Variants in ATF1 observed in about 807,000 individuals in gnomAD.
The protein encoded by ATF1 is activating transcription factor 1.
In ATF1, 16 loss-of-function variants were observed where a neutral mutation model predicts 34.7. That is an observed-to-expected ratio of 0.46 (90% CI 0.31 to 0.70). The LOEUF is 0.70. Ranked by LOEUF, ATF1 falls within the 30% of genes least tolerant of loss-of-function variation. The pLI is 0.05. For synonymous variants in ATF1, 105 were observed against 113.1 expected, an observed-to-expected ratio of 0.93 and a Z score of 0.46; for missense variants, 255 against 321.6, an observed-to-expected ratio of 0.79 and a Z score of 1.58.
chr12:50,777,936 CTTTTTT>C (rs71086478), intron 1 of ATF1, among the ~76,000 whole-genome samples: 2 of 133,396 alleles, frequency 1.5e-5, no homozygotes. Flanking sequence ...AATTTACTAT[CTTTTTT>C]TTTTTTTTTT....
At chr12:50,812,301 A>G (rs978744725) in intron 4 of ATF1, among the ~76,000 whole-genome samples, 2 of 152,234 alleles carry the variant, frequency 1.3e-5, no homozygotes, top group African/African-American at 4.8e-5. Flanking sequence ...ACCACTGAAC[A>G]TAATGGCAAA....
At chr12:50,796,059 A>T in intron 3 of ATF1, 50 bp downstream of exon 3, 2 of 1,447,838 alleles carry the variant, frequency 1.4e-6, no homozygotes, top group Admixed American at 2.1e-5. Flanking sequence ...GTACCAAATG[A>T]GTTCAAGAGG....
intron 6 of ATF1, among the ~76,000 whole-genome samples, chr12:50,817,098 T>C (rs1315631571): frequency 6.6e-6 from 1 of 152,184 alleles, no homozygotes; most frequent in African/African-American, 2.4e-5. Flanking sequence ...TTTTGGAAAT[T>C]AGGCCTTATC....
At chr12:50,781,915 C>CA (rs56395543) in intron 2 of ATF1, among the ~76,000 whole-genome samples, 1,983 of 107,082 alleles carry the variant, frequency 0.019, 48 homozygotes, top group African/African-American at 0.06. Flanking sequence ...ACCCTATCTC[C>CA]AAAAAAAAAA....
chr12:50,776,759 A>G (rs1940936611), intron 1 of ATF1, among the ~76,000 whole-genome samples: 1 of 152,188 alleles, frequency 6.6e-6, no homozygotes, highest in African/African-American at 2.4e-5. Context: ...ACAGAAAAAA[A>G]TCTTAATTAC....
chr12:50,804,997 G>C (rs1195671581), intron 3 of ATF1, among the ~76,000 whole-genome samples: 1 of 151,750 alleles, frequency 6.6e-6, no homozygotes, highest in Non-Finnish European at 1.5e-5. Flanking sequence ...ATTTTTAGTA[G>C]AGACAGGGTT....
At chr12:50,787,157 ATTTAC>A (rs1941202425) in intron 2 of ATF1, among the ~76,000 whole-genome samples, 2 of 152,154 alleles carry the variant, frequency 1.3e-5, no homozygotes, top group Non-Finnish European at 2.9e-5. Context: ...GATAAATACT[ATTTAC>A]TTTAGTCTCT....
chr12:50,773,715 A>G (rs2139640814), intron 1 of ATF1, among the ~76,000 whole-genome samples: 2 of 151,610 alleles, frequency 1.3e-5, no homozygotes, highest in South Asian at 4.2e-4. Context: ...TCAGCCTTCC[A>G]AGTAGCTGGG....
At chr12:50,780,411 C>T (rs540208072) in intron 2 of ATF1, among the ~76,000 whole-genome samples, 173 bp downstream of exon 2, 6 of 151,520 alleles carry the variant, frequency 4.0e-5, no homozygotes, top group African/African-American at 1.2e-4. Context: ...GTGGCATGAT[C>T]TCGGCTCACT....
In ATF1 at chr12:50,809,502, G is replaced by C; in HGVS notation, c.241G>C (p.Gly81Arg). 4 of 1,613,584 alleles carry C rather than the reference G, an allele frequency of 2.5e-6. No individual in the cohort carries two copies. The highest frequency in any genetic ancestry group is 3.4e-6 in the Non-Finnish European group (4 of 1,179,678). The change falls in exon 4 of 7, where the codon GGA becomes CGA. Residue 81 changes from glycine to arginine, a missense_variant. By Grantham distance (125) the Gly-to-Arg change is moderately radical (BLOSUM62 -2). Around this residue, in one of 2 missense-constraint regions of ATF1, gnomAD observed 221 missense variants for 250.7 expected, o/e 0.88. Coordinates refer to ENST00000262053, the MANE Select transcript of ATF1 (RefSeq NM_005171.5). ...TTCTGAAGATACACGGGGCAGAAAA[G>C]GAGACGGAGAAAATTCTGGAGTTTC... is the stretch of plus-strand genomic sequence containing the variant. ...LSSEDTRGRK[G>R]DGENSGVSAA...
chr12:50,772,919 A>G (rs951565671), intron 1 of ATF1, among the ~76,000 whole-genome samples: 6 of 151,600 alleles, frequency 4.0e-5, no homozygotes, highest in African/African-American at 1.5e-4. Context: ...CCCTTCCCCC[A>G]CCGCACCCTC....
intron 2 of ATF1, among the ~76,000 whole-genome samples, chr12:50,784,671 G>A (rs549202152): frequency 1.3e-5 from 2 of 152,178 alleles, no homozygotes; most frequent in South Asian, 2.1e-4. Context: ...ACGTTATCTG[G>A]CGTATCTTAA....
intron 3 of ATF1, among the ~76,000 whole-genome samples, chr12:50,806,153 A>G (rs1335067783): frequency 1.5e-5 from 2 of 137,494 alleles, no homozygotes; most frequent in Non-Finnish European, 3.1e-5. Context: ...TGTCTCAAAG[A>G]AAAAAAAAAA....
At chr12:50,778,706 G>C (rs1940987827) in intron 1 of ATF1, among the ~76,000 whole-genome samples, 1 of 151,946 alleles carries the variant, frequency 6.6e-6, no homozygotes, top group African/African-American at 2.4e-5. Flanking sequence ...TCGTGCCTTA[G>C]CCTCCCAAGT....
intron 3 of ATF1, chr12:50,806,238 C>A: frequency 5.5e-6 from 1 of 181,276 alleles, no homozygotes; most frequent in South Asian, 1.1e-4. Flanking sequence ...GACCAAAGGT[C>A]ATTTTCAGCT....
chr12:50,783,866 GA>G (rs34062008), intron 2 of ATF1, among the ~76,000 whole-genome samples: 36,588 of 129,088 alleles, frequency 0.28, 4,842 homozygotes, highest in Non-Finnish European at 0.33. Context: ...AACTCCGTCT[GA>G]AAAAAAAAAA....
chr12:50,783,542 A>G (rs548604350), intron 2 of ATF1, among the ~76,000 whole-genome samples: 10 of 152,304 alleles, frequency 6.6e-5, no homozygotes, highest in African/African-American at 2.4e-4. Flanking sequence ...ACATTTCTAG[A>G]TAGTAAATCA....
At chr12:50,792,831 T>C (rs1420904213) in intron 2 of ATF1, among the ~76,000 whole-genome samples, 1 of 152,134 alleles carries the variant, frequency 6.6e-6, no homozygotes, top group Non-Finnish European at 1.5e-5. Flanking sequence ...TTTATGGAGT[T>C]AGTACCTACC....
intron 1 of ATF1, among the ~76,000 whole-genome samples, chr12:50,765,752 A>G (rs1940617777): frequency 6.6e-6 from 1 of 152,216 alleles, no homozygotes; most frequent in African/African-American, 2.4e-5. Context: ...TGAAATGGCC[A>G]CAAGAGTGAC....
Sources: gnomAD v4.1 joint callset for allele counts (sites outside exome capture counted in the v4.1 genomes callset) on GRCh38, gnomAD v4.1.1 for gene constraint, gnomAD v4.1.1 regional missense constraint, MANE v1.5 for transcripts, NCBI Gene and HGNC (gene_info 2026-07-23, HGNC 2026-07-21) for gene names.